Variants in NUDCD1 observed in about 807,000 individuals in gnomAD.
NUDCD1 encodes the protein NudC domain containing 1.
Under a neutral mutation model 67.8 loss-of-function variants are expected in NUDCD1, and 60 were observed. The observed-to-expected ratio is 0.88, with a 90% CI of 0.72 to 1.10. NUDCD1 has a LOEUF of 1.10. Among genes scored for constraint, NUDCD1 ranks in the 50% least tolerant of loss-of-function variants. The probability of loss-of-function intolerance (pLI) is 0.00; values close to 1 mark genes in which losing one functional copy is unlikely to be tolerated. For missense variants in NUDCD1, 643 were observed against 695.0 expected, an observed-to-expected ratio of 0.93 and a Z score of 0.84; for synonymous variants, 244 against 230.8, an observed-to-expected ratio of 1.06 and a Z score of -0.52.
At position 109,262,975 on chromosome 8, in the gene NUDCD1, A is replaced by G. The variant is rs1021904256; in HGVS notation, c.1299+8030T>C. Among the ~76,000 whole-genome samples the G allele has an allele frequency of 1.1e-4, 15 of 141,720 alleles. No homozygotes were observed. In the Admixed American group the frequency reaches 1.2e-3, roughly 11 times the overall value. The allele number at this position is 141,720 out of a possible 152,430, so 93.0% of individuals were successfully genotyped here. ...GAGGCTGAGGCAGGAGAATCGCTTG[A>G]ACCTGGGAGGCAAAGGTTGCAGTGA... On this transcript the variant is annotated intron_variant, in intron 8 of 9. Transcript: ENST00000239690.
At chr8:109,326,774 G>A (rs1424355007) in intron 1 of NUDCD1, among the ~76,000 whole-genome samples, 3 of 152,158 alleles carry the variant, frequency 2.0e-5, no homozygotes, top group Middle Eastern at 3.4e-3. Context: ...ACCTCAAAGG[G>A]CTATAGTTTT....
chr8:109,274,996 A>T (rs1026059987), intron 7 of NUDCD1, among the ~76,000 whole-genome samples: 1 of 152,162 alleles, frequency 6.6e-6, no homozygotes, highest in Non-Finnish European at 1.5e-5. Context: ...AATTTTAGGG[A>T]TAAGTAGATT....
chr8:109,275,462 G>C lies in NUDCD1; in HGVS notation c.1063C>G (p.Leu355Val). Reference sequence around the variant, plus strand: ...CCAATTACTAGCTCTGGCCAGGTCAGTCCTTCATTCTTCTTAATCAAGGAA... The same window carrying C: ...CCAATTACTAGCTCTGGCCAGGTCACTCCTTCATTCTTCTTAATCAAGGAA... Reference protein sequence around the residue: ...EISLIKKNEGLTWPELVIGDK... With the variant: ...EISLIKKNEGVTWPELVIGDK... The change falls in exon 7 of 10, where the codon CTG becomes GTG. Residue 355 changes from leucine (L) to valine (V), a missense_variant. Coordinates refer to ENST00000239690, the MANE Select transcript of NUDCD1 (RefSeq NM_032869.4). The C allele has an allele frequency of 6.2e-7, 1 of 1,613,206 alleles. No individual in the cohort carries two copies. Among genetic ancestry groups the C allele is most frequent in the South Asian group, 1.1e-5 (1 of 90,960 alleles).
intron 8 of NUDCD1, among the ~76,000 whole-genome samples, chr8:109,252,066 CT>C (rs1336850193): frequency 6.6e-6 from 1 of 152,134 alleles, no homozygotes; most frequent in Non-Finnish European, 1.5e-5. Flanking sequence ...AGCTTTAGGC[CT>C]TCACTGTGCA....
chr8:109,279,446 C>T (rs1431911202), intron 6 of NUDCD1, among the ~76,000 whole-genome samples: 2 of 152,070 alleles, frequency 1.3e-5, no homozygotes, highest in Non-Finnish European at 2.9e-5. Context: ...AAAAAATTGG[C>T]TTATTATGAA....
At chr8:109,276,099 G>A (rs1374573719) in intron 6 of NUDCD1, among the ~76,000 whole-genome samples, 2 of 152,176 alleles carry the variant, frequency 1.3e-5, no homozygotes, top group Admixed American at 1.3e-4. Flanking sequence ...AGATGTTAAT[G>A]TGTTCTCTAT....
At chr8:109,316,094 A>G (rs1815387779) in intron 2 of NUDCD1, 1 of 152,224 alleles carries the variant, frequency 6.6e-6, no homozygotes, top group Admixed American at 6.5e-5. Context: ...ACAAATTATT[A>G]CAGAAATAAT....
chr8:109,313,262 T>A (rs1815299822), intron 2 of NUDCD1, among the ~76,000 whole-genome samples: 1 of 152,178 alleles, frequency 6.6e-6, no homozygotes, highest in Middle Eastern at 3.2e-3. Context: ...GGCAAATGGT[T>A]AACTATGGAG....
At chr8:109,311,778 T>C (rs948631269) in intron 2 of NUDCD1, among the ~76,000 whole-genome samples, 1 of 150,370 alleles carries the variant, frequency 6.7e-6, no homozygotes, top group Non-Finnish European at 1.5e-5. Context: ...GGGGAAAGAG[T>C]GGGAAGCGGT....
chr8:109,331,099 T>C (rs1024249756), intron 1 of NUDCD1, among the ~76,000 whole-genome samples: 2 of 151,862 alleles, frequency 1.3e-5, no homozygotes, highest in African/African-American at 4.8e-5. Context: ...TCCCAGCACT[T>C]TGGGAGGCCG....
At chr8:109,300,451 ATGCTC>A (rs1468140291) in intron 2 of NUDCD1, among the ~76,000 whole-genome samples, 2 of 152,192 alleles carry the variant, frequency 1.3e-5, no homozygotes, top group East Asian at 3.9e-4. Flanking sequence ...GAAATCCAAA[ATGCTC>A]TGGAAAGTCT....
In NUDCD1 at chr8:109,257,002, T is replaced by C. The variant is rs541626430; in HGVS notation, c.1300-11521A>G. ...GAAAAAAAAAACTCAGCAAACTAGGTAAACATGACTTCTACTTAAATAAAA... is the reference window on the plus strand; with the variant it reads ...GAAAAAAAAAACTCAGCAAACTAGGCAAACATGACTTCTACTTAAATAAAA... On this transcript the variant is annotated intron_variant, in intron 8 of 9. Transcript: ENST00000239690. Among the ~76,000 whole-genome samples, 12 of 151,934 alleles carry C rather than the reference T, an allele frequency of 7.9e-5. No individual in the cohort carries two copies. In the East Asian group the frequency reaches 2.3e-3, roughly 29 times the overall value.
chr8:109,283,750 TAC>T (rs1382981230), intron 5 of NUDCD1, among the ~76,000 whole-genome samples: 1 of 152,094 alleles, frequency 6.6e-6, no homozygotes, highest in African/African-American at 2.4e-5. Context: ...GTTACCACTA[TAC>T]CAGCCTTAAC....
intron 8 of NUDCD1, among the ~76,000 whole-genome samples, chr8:109,256,197 C>T (rs1315827404): frequency 6.6e-6 from 1 of 151,916 alleles, no homozygotes; most frequent in Non-Finnish European, 1.5e-5. Flanking sequence ...ATACCCGTCT[C>T]AAAACACAAA....
At chr8:109,281,433 T>C (rs1814436104) in intron 5 of NUDCD1, among the ~76,000 whole-genome samples, 1 of 152,088 alleles carries the variant, frequency 6.6e-6, no homozygotes, top group Admixed American at 6.6e-5. Context: ...CAATCCTTTA[T>C]CCTCATTTCT....
intron 1 of NUDCD1, among the ~76,000 whole-genome samples, chr8:109,332,841 C>CTT (rs1815842262): frequency 6.6e-6 from 1 of 152,170 alleles, no homozygotes; most frequent in Non-Finnish European, 1.5e-5. Flanking sequence ...AACTCTTAAC[C>CTT]TACCCTTCAA....
At chr8:109,283,675 CTA>C (rs58839425) in intron 5 of NUDCD1, among the ~76,000 whole-genome samples, 96,487 of 151,846 alleles carry the variant, frequency 0.64, 32,081 homozygotes, top group African/African-American at 0.84. Flanking sequence ...TCCCACTAAA[CTA>C]TAAGCTTCAT....
intron 8 of NUDCD1, among the ~76,000 whole-genome samples, chr8:109,258,300 A>G (rs1485496250): frequency 6.6e-6 from 1 of 152,118 alleles, no homozygotes; most frequent in Admixed American, 6.6e-5. Context: ...CTGCACTGCT[A>G]TGTCACCCTT....
intron 8 of NUDCD1, among the ~76,000 whole-genome samples, chr8:109,260,490 G>A (rs2129912778): frequency 6.6e-6 from 1 of 152,302 alleles, no homozygotes; most frequent in Admixed American, 6.5e-5. Flanking sequence ...ATGAGCCACT[G>A]CGCCTGGCCC....
Sources: allele counts gnomAD v4.1 joint callset (sites outside exome capture counted in the v4.1 genomes callset), GRCh38; gene constraint gnomAD v4.1.1; transcripts MANE v1.5; gene names NCBI Gene and HGNC (gene_info 2026-07-23, HGNC 2026-07-21).